The following PIK3R3 variants were observed in gnomAD, a reference collection of about 807,000 sequenced individuals.
The protein encoded by PIK3R3 is phosphatidylinositol 3-kinase regulatory subunit gamma.
PIK3R3 carries 64 observed loss-of-function variants against 62.9 expected under a neutral mutation model. That is an observed-to-expected ratio of 1.02 (90% CI 0.83 to 1.25). The LOEUF (loss-of-function observed/expected upper bound fraction) is 1.25, where lower values mean the gene tolerates loss of function less well. Ranked by LOEUF, PIK3R3 falls within the 50% of genes most tolerant of loss-of-function variation. PIK3R3 has a pLI of 0.00. For synonymous variants in PIK3R3, 165 were observed against 189.0 expected (o/e 0.87, Z 1.04); for missense variants, 614 against 561.6 (o/e 1.09, Z -0.94).
the PIK3R3 span, among the ~76,000 whole-genome samples, chr1:46,139,309 T>C: frequency 1.3e-5 from 2 of 151,980 alleles, no homozygotes; most frequent in African/African-American, 4.8e-5. Flanking sequence ...GCTTCTTTTT[T>C]TTTTTTTCTT....
chr1:46,057,856 C>T (rs1312361862), intron 6 of PIK3R3, among the ~76,000 whole-genome samples: 1 of 141,166 alleles, frequency 7.1e-6, no homozygotes, highest in Non-Finnish European at 1.5e-5. Context: ...AAATAAAATT[C>T]CATTTTCTGA....
At chr1:46,135,295 A>ATTTGGG (rs1655889158), upstream of PIK3R3, among the ~76,000 whole-genome samples, 2 of 152,200 alleles carry the variant, frequency 1.3e-5, no homozygotes, top group African/African-American at 4.8e-5. Flanking sequence ...CCTGGGTCAC[A>ATTTGGG]ACCTGCTACT....
intron 1 of PIK3R3, among the ~76,000 whole-genome samples, chr1:46,086,158 G>A (rs1307397149): frequency 6.6e-6 from 1 of 152,212 alleles, no homozygotes; most frequent in East Asian, 1.9e-4. Context: ...GTGTGTGTAT[G>A]TGTGCATATA....
the PIK3R3 span, among the ~76,000 whole-genome samples, chr1:46,169,963 C>G: frequency 2.6e-5 from 4 of 152,134 alleles, no homozygotes; most frequent in African/African-American, 9.7e-5. Context: ...CTAGGCACAA[C>G]CCCACCCAGG....
At chr1:46,116,555 G>A (rs571467898) in intron 1 of PIK3R3, among the ~76,000 whole-genome samples, 7 of 151,648 alleles carry the variant, frequency 4.6e-5, no homozygotes, top group South Asian at 2.1e-4. Context: ...CCAGCTACTC[G>A]GGAGGCTGAG....
intron 1 of PIK3R3, among the ~76,000 whole-genome samples, chr1:46,087,821 T>A (rs1018634721): frequency 3.9e-5 from 6 of 152,200 alleles, no homozygotes; most frequent in African/African-American, 1.4e-4. Context: ...TGGATGAACA[T>A]TGAAAATATT....
chr1:46,119,832 C>A (rs1193392063), intron 1 of PIK3R3, among the ~76,000 whole-genome samples: 2 of 144,894 alleles, frequency 1.4e-5, no homozygotes, highest in Admixed American at 7.2e-5. Context: ...GGCTGGAGTA[C>A]AGTGGTATAA....
At chr1:46,142,306 C>G in the PIK3R3 span, among the ~76,000 whole-genome samples, 6 of 152,312 alleles carry the variant, frequency 3.9e-5, no homozygotes, top group African/African-American at 7.2e-5. Flanking sequence ...AGTTCCTTTT[C>G]TAGTTAGGTG....
intron 1 of PIK3R3, among the ~76,000 whole-genome samples, chr1:46,082,745 A>G (rs1340379398): frequency 6.6e-6 from 1 of 152,150 alleles, no homozygotes; most frequent in Non-Finnish European, 1.5e-5. Context: ...GAAGGAGAAC[A>G]ATGTGAATAT....
intron 1 of PIK3R3, among the ~76,000 whole-genome samples, chr1:46,115,003 A>C (rs1654060636): frequency 6.6e-6 from 1 of 152,116 alleles, no homozygotes; most frequent in African/African-American, 2.4e-5. Flanking sequence ...AGCTACCCAG[A>C]TTTTAAGACA....
At chr1:46,107,019 C>T (rs1000544997) in intron 1 of PIK3R3, among the ~76,000 whole-genome samples, 1 of 152,088 alleles carries the variant, frequency 6.6e-6, no homozygotes, top group Non-Finnish European at 1.5e-5. Context: ...CCTCAGCCTC[C>T]CAAAGTGCTG....
At position 46,132,509 on chromosome 1, in the gene PIK3R3, AG is replaced by A; in HGVS notation, c.-558del. The A allele has an allele frequency of 8.1e-7, 1 of 1,228,890 alleles. No individual in the cohort carries two copies. Among genetic ancestry groups the A allele is most frequent in the Non-Finnish European group, 1.0e-6 (1 of 958,796 alleles). The allele number at this position is 1,228,890 out of a possible 1,614,324, so 76.1% of individuals were successfully genotyped here. ...CCTCTCCGGTCGGTCTCGGAACCGA[AG>A]CTGCCGCAGCCTCGGGAATGGGGCC... On this transcript the variant is annotated 5_prime_UTR_variant, in exon 1 of 10. Transcript: ENST00000262741.
At chr1:46,090,312 T>TTTTA (rs34068212) in intron 1 of PIK3R3, among the ~76,000 whole-genome samples, 1,488 of 148,570 alleles carry the variant, frequency 0.01, 19 homozygotes, top group African/African-American at 0.027. Context: ...ACGCAGTCTT[T>TTTTA]TTTATTTATT....
At chr1:46,052,970 G>A (rs895524430) in intron 7 of PIK3R3, among the ~76,000 whole-genome samples, 7 of 152,156 alleles carry the variant, frequency 4.6e-5, no homozygotes, top group African/African-American at 1.4e-4. Context: ...GTATCATGCA[G>A]CAATGCTAAT....
the PIK3R3 span, among the ~76,000 whole-genome samples, chr1:46,142,160 T>C: frequency 6.6e-6 from 1 of 152,150 alleles, no homozygotes; most frequent in Non-Finnish European, 1.5e-5. Context: ...TTTCCTGGAG[T>C]TGAAAGCTAA....
At chr1:46,055,537 T>A (rs1368075737) in intron 7 of PIK3R3, among the ~76,000 whole-genome samples, 1 of 152,190 alleles carries the variant, frequency 6.6e-6, no homozygotes, top group African/African-American at 2.4e-5. Context: ...ATTTTACTCA[T>A]GCCACAGCCA....
At position 46,045,933 on chromosome 1, in the gene PIK3R3, T is replaced by C. The variant is rs970515100; in HGVS notation, c.1172A>G (p.Tyr391Cys). The change falls in exon 9 of 10, where the codon TAT becomes TGT. Residue 391 changes from tyrosine to cysteine, a missense_variant. By Grantham distance (194) the Tyr-to-Cys change is radical (BLOSUM62 -2). Transcript: ENST00000262741. ...GAAGACTTACACCACAGAGCAAGCA[T>C]AGCATCCTTTCTTGCTACTCTCACG... is the stretch of plus-strand genomic sequence containing the variant. ...LIRESSKKGC[Y>C]ACSVVADGEV... is the part of the protein sequence containing the mutation. 6.8e-6 allele frequency: 11 copies of C among 1,612,956 alleles called. No homozygotes were observed. Among genetic ancestry groups the C allele is most frequent in the African/African-American group, 5.3e-5 (4 of 74,840 alleles).
intron 1 of PIK3R3, among the ~76,000 whole-genome samples, chr1:46,119,773 ATTTTTTTT>A (rs749113212): frequency 3.2e-5 from 4 of 124,334 alleles, no homozygotes; most frequent in African/African-American, 1.2e-4. Context: ...CCAACTCCTA[ATTTTTTTT>A]TTTTTTTTTT....
chr1:46,173,593 T>C, the PIK3R3 span, among the ~76,000 whole-genome samples: 5 of 152,156 alleles, frequency 3.3e-5, no homozygotes, highest in African/African-American at 1.2e-4. Flanking sequence ...GAGAGTGGGC[T>C]GCACCCGCTC....
Sources: allele counts gnomAD v4.1 joint callset (sites outside exome capture counted in the v4.1 genomes callset), GRCh38; gene constraint gnomAD v4.1.1; transcripts MANE v1.5; gene names NCBI Gene and HGNC (gene_info 2026-07-23, HGNC 2026-07-21).